Variants in INSC observed in about 807,000 individuals in gnomAD.
INSC encodes the protein protein inscuteable homolog.
INSC carries 67 observed loss-of-function variants against 58.6 expected under a neutral mutation model. The observed-to-expected ratio is 1.14, with a 90% CI of 0.94 to 1.40. The LOEUF is 1.40. INSC is among the 40% of genes most tolerant of loss of function. The pLI is 0.00. For synonymous variants in INSC, 262 were observed against 276.1 expected, an observed-to-expected ratio of 0.95 and a Z score of 0.51; for missense variants, 714 against 692.0, an observed-to-expected ratio of 1.03 and a Z score of -0.36.
intron 7 of INSC, among the ~76,000 whole-genome samples, chr11:15,214,913 G>A (rs555146909): frequency 6.6e-6 from 1 of 152,262 alleles, no homozygotes; most frequent in African/African-American, 2.4e-5. Context: ...ACAGAATGAC[G>A]CAGCAAGTGG....
Position 15,239,022 on chromosome 11 carries a change from G to C in INSC, c.1341G>C (p.Leu447=), listed in dbSNP as rs1852238735. Residue 447 remains leucine (L), a synonymous_variant, in exon 11 of 13, where the codon CTG becomes CTC. Transcript: ENST00000379556. Reference sequence around the variant, plus strand: ...TCCAGCAGAAAGCTGCAGTGACCCTGGCTCGTCTCAGCCGAGACCCAGATG... The same window carrying C: ...TCCAGCAGAAAGCTGCAGTGACCCTCGCTCGTCTCAGCCGAGACCCAGATG... ...ERVQQKAAVT[L]ARLSRDPDVA... 6.2e-7 allele frequency: 1 copy of C among 1,614,076 alleles called. No individual in the cohort carries two copies. The highest frequency in any genetic ancestry group is 1.3e-5 in the African/African-American group (1 of 74,946).
At chr11:15,112,577 G>A (rs533324887), upstream of INSC, 7 of 1,350,038 alleles carry the variant, frequency 5.2e-6, no homozygotes, top group Non-Finnish European at 7.1e-6. Context: ...TATGTATCTG[G>A]GAAGGTGGAT....
intron 9 of INSC, among the ~76,000 whole-genome samples, chr11:15,234,420 A>G (rs1852042363): frequency 6.6e-6 from 1 of 152,234 alleles, no homozygotes; most frequent in South Asian, 2.1e-4. Flanking sequence ...TAAAATAGTA[A>G]TATGTGTTAT....
chr11:15,269,135 G>A, the INSC span, among the ~76,000 whole-genome samples: 2 of 151,954 alleles, frequency 1.3e-5, no homozygotes, highest in African/African-American at 4.8e-5. Flanking sequence ...GTTTTCAAAG[G>A]TATATCTATT....
chr11:15,118,440 GA>G (rs538497681), intron 1 of INSC, among the ~76,000 whole-genome samples: 14 of 152,190 alleles, frequency 9.2e-5, no homozygotes, highest in Non-Finnish European at 1.6e-4. Context: ...AGAATAACTT[GA>G]ATGGTGGGCT....
At chr11:15,240,107 T>TA (rs1184234940) in intron 11 of INSC, among the ~76,000 whole-genome samples, 1 of 152,136 alleles carries the variant, frequency 6.6e-6, no homozygotes, top group Non-Finnish European at 1.5e-5. Context: ...CCCTAGGAAA[T>TA]ATTAGTAGAG....
chr11:15,269,663 G>A, the INSC span, among the ~76,000 whole-genome samples: 1 of 151,882 alleles, frequency 6.6e-6, no homozygotes, highest in Non-Finnish European at 1.5e-5. Context: ...CATCCTACAT[G>A]ATCTTGTCTA....
At chr11:15,245,805 G>A in intron 12 of INSC, 107 bp from the exon 13 acceptor site, 1 of 1,435,408 alleles carries the variant, frequency 7.0e-7, no homozygotes, top group Non-Finnish European at 9.4e-7. Context: ...AAATTGTCTG[G>A]TAAATGCACC....
chr11:15,250,955 T>C (rs536021564), downstream of INSC, among the ~76,000 whole-genome samples: 2 of 152,312 alleles, frequency 1.3e-5, no homozygotes, highest in Admixed American at 6.5e-5. Context: ...TTCAGAACTT[T>C]GAAAATTAAT....
chr11:15,160,758 A>G (rs564382756), intron 2 of INSC, among the ~76,000 whole-genome samples: 1 of 152,314 alleles, frequency 6.6e-6, no homozygotes, highest in African/African-American at 2.4e-5. Context: ...GAGTGAAAAC[A>G]GTTACCTGGA....
chr11:15,199,900 T>G (rs1850513489), intron 6 of INSC, among the ~76,000 whole-genome samples: 3 of 152,196 alleles, frequency 2.0e-5, no homozygotes, highest in African/African-American at 7.2e-5. Context: ...CTGGTTTGCT[T>G]GGCACCTTGG....
At chr11:15,190,435 C>G (rs779554367) in intron 5 of INSC, among the ~76,000 whole-genome samples, 15 of 152,186 alleles carry the variant, frequency 9.9e-5, no homozygotes, top group Non-Finnish European at 1.5e-4. Flanking sequence ...AGCTGATTTT[C>G]TGAGGGACTA....
At chr11:15,240,214 G>T (rs542629247) in intron 11 of INSC, among the ~76,000 whole-genome samples, 126 of 152,310 alleles carry the variant, frequency 8.3e-4, no homozygotes, top group Admixed American at 1.8e-3. Context: ...GTCTGGTAAA[G>T]ATTCAAATGT....
the INSC span, among the ~76,000 whole-genome samples, chr11:15,268,896 G>GA: frequency 2.0e-5 from 3 of 152,052 alleles, no homozygotes; most frequent in East Asian, 1.9e-4. Flanking sequence ...TTAGTTTCTT[G>GA]AAAAAATGCT....
chr11:15,226,612 C>T (rs913781382), intron 9 of INSC, among the ~76,000 whole-genome samples: 4 of 152,104 alleles, frequency 2.6e-5, no homozygotes, highest in East Asian at 1.9e-4. Context: ...ATGATCCTCT[C>T]GTCCTCAACT....
At chr11:15,249,775 A>T (rs1852631195), downstream of INSC, among the ~76,000 whole-genome samples, 1 of 152,164 alleles carries the variant, frequency 6.6e-6, no homozygotes, top group African/African-American at 2.4e-5. Flanking sequence ...GTTTTTCCAT[A>T]GTAACTTTCA....
rs183083182 is a variant in INSC at position 15,167,646 on chromosome 11, A to T, written c.57-8095A>T. On this transcript the variant is annotated intron_variant, in intron 2 of 12. Transcript: ENST00000379556. ...CACCATGCTCAGCTAATTATTATTAATAATAATAATTATTATTGTAGAGAT... is the reference window on the plus strand; with the variant it reads ...CACCATGCTCAGCTAATTATTATTATTAATAATAATTATTATTGTAGAGAT... Among the ~76,000 whole-genome samples, 371 of 151,732 alleles carry T rather than the reference A, an allele frequency of 2.4e-3. 3 individuals are homozygous for T. The highest frequency in any genetic ancestry group is 8.6e-3 in the African/African-American group (356 of 41,346).
chr11:15,243,312 G>C (rs530755726), intron 12 of INSC, among the ~76,000 whole-genome samples: 2 of 152,182 alleles, frequency 1.3e-5, no homozygotes, highest in African/African-American at 4.8e-5. Context: ...GCTCCCTTCA[G>C]GTAGAGGGAG....
intron 2 of INSC, among the ~76,000 whole-genome samples, chr11:15,154,439 C>T (rs10832368): frequency 0.36 from 55,481 of 152,022 alleles, 10,409 homozygotes; most frequent in Middle Eastern, 0.41. Context: ...AATTTAAATA[C>T]GCCCTTTGAG....
Sources: allele counts gnomAD v4.1 joint callset (sites outside exome capture counted in the v4.1 genomes callset), GRCh38; gene constraint gnomAD v4.1.1; transcripts MANE v1.5; gene names NCBI Gene and HGNC (gene_info 2026-07-23, HGNC 2026-07-21).